EML4: variants seen among roughly 807,000 people sequenced by gnomAD.
EML4 encodes the protein EMAP like 4.
In EML4, 72 loss-of-function variants were observed where a neutral mutation model predicts 129.0. That is an observed-to-expected ratio of 0.56 (90% CI 0.46 to 0.68). The LOEUF is 0.68. Among genes scored for constraint, EML4 ranks in the 30% least tolerant of loss-of-function variants. EML4 has a pLI of 0.00. For missense variants in EML4, 1,363 were observed against 1,190.6 expected (o/e 1.14, Z -2.13); for synonymous variants, 532 against 405.0 (o/e 1.31, Z -3.77).
rs761401873 is a variant in EML4, at chr2:42,286,344, G to A, written c.1087G>A (p.Glu363Lys). ...GCAGATTATTGGACTTGGCACTTTT[G>A]AGCGTGGAGTAGGATGCCTGGATTT... is the stretch of plus-strand genomic sequence containing the variant. Reference protein sequence around the residue: ...TLQIIGLGTFERGVGCLDFSK... With the variant: ...TLQIIGLGTFKRGVGCLDFSK... The change falls in exon 10 of 23, where the codon GAG becomes AAG. Residue 363 changes from glutamate (E) to lysine (K), a missense_variant. Coordinates refer to ENST00000318522, the MANE Select transcript of EML4 (RefSeq NM_019063.5). The A allele has an allele frequency of 1.9e-6, 3 of 1,613,438 alleles. No homozygotes were observed. In the Admixed American group the frequency reaches 5.0e-5, roughly 27 times the overall value.
At chr2:42,213,342 A>G (rs1237490983) in intron 1 of EML4, among the ~76,000 whole-genome samples, 1 of 152,146 alleles carries the variant, frequency 6.6e-6, no homozygotes, top group Non-Finnish European at 1.5e-5. Flanking sequence ...ATCACACAGT[A>G]TGGCTTCTTG....
At chr2:42,196,423 A>G (rs1480002372) in intron 1 of EML4, among the ~76,000 whole-genome samples, 2 of 152,180 alleles carry the variant, frequency 1.3e-5, no homozygotes, top group East Asian at 3.8e-4. Context: ...TAATGGACAC[A>G]GCATCTGTTT....
chr2:42,267,813 C>A (rs950375310), intron 6 of EML4, among the ~76,000 whole-genome samples: 1 of 152,134 alleles, frequency 6.6e-6, no homozygotes, highest in Non-Finnish European at 1.5e-5. Context: ...TCATTACTCT[C>A]TCCCCTAGTT....
intron 8 of EML4, 89 bp from the exon 9 acceptor site, chr2:42,284,545 A>C: frequency 6.2e-6 from 5 of 801,106 alleles, no homozygotes; most frequent in Non-Finnish European, 7.8e-6. Flanking sequence ...TAACGATTAA[A>C]AACTGCTTAT....
At chr2:42,242,730 TTCTCG>T (rs200880328) in intron 1 of EML4, among the ~76,000 whole-genome samples, 341 of 149,316 alleles carry the variant, frequency 2.3e-3, no homozygotes, top group South Asian at 3.3e-3. Context: ...TTCTCTTCTC[TTCTCG>T]TCTCGTCTCG....
chr2:42,244,813 G>A (rs879479903), intron 1 of EML4, among the ~76,000 whole-genome samples: 4 of 152,044 alleles, frequency 2.6e-5, no homozygotes, highest in African/African-American at 9.7e-5. Context: ...AGAGAACTGT[G>A]ATAATAATGT....
At chr2:42,255,408 G>T (rs1572635535) in intron 2 of EML4, among the ~76,000 whole-genome samples, 2 of 152,084 alleles carry the variant, frequency 1.3e-5, no homozygotes, top group Non-Finnish European at 2.9e-5. Context: ...TTCTATTTGG[G>T]GTGATGAAAA....
chr2:42,222,223 A>G (rs919341580), intron 1 of EML4, among the ~76,000 whole-genome samples: 1 of 152,144 alleles, frequency 6.6e-6, no homozygotes. Context: ...ATCAAATGGC[A>G]TATTTGCTTA....
chr2:42,253,730 G>A (rs979801469), intron 2 of EML4, among the ~76,000 whole-genome samples: 1 of 151,962 alleles, frequency 6.6e-6, no homozygotes, highest in Non-Finnish European at 1.5e-5. Context: ...GGAAAAAAAA[G>A]ACAAAAAACA....
intron 17 of EML4, among the ~76,000 whole-genome samples, chr2:42,306,112 T>C (rs888980634): frequency 6.6e-6 from 1 of 152,222 alleles, no homozygotes; most frequent in Non-Finnish European, 1.5e-5. Flanking sequence ...TTGGTGATAC[T>C]TTGCAAATAT....
chr2:42,180,498 C>T (rs1338736408), intron 1 of EML4, among the ~76,000 whole-genome samples: 1 of 152,182 alleles, frequency 6.6e-6, no homozygotes, highest in Non-Finnish European at 1.5e-5. Context: ...TGCCCTCAGT[C>T]CCTACCTTAC....
At chr2:42,302,456 A>G (rs1374868775) in intron 14 of EML4, among the ~76,000 whole-genome samples, 1 of 152,150 alleles carries the variant, frequency 6.6e-6, no homozygotes, top group Non-Finnish European at 1.5e-5. Flanking sequence ...ACCCAAAGTA[A>G]TGTAACTAAT....
At chr2:42,317,382 T>C (rs773826143) in intron 18 of EML4, 45 bp from the exon 19 acceptor site, 1 of 1,190,644 alleles carries the variant, frequency 8.4e-7, no homozygotes, top group Non-Finnish European at 1.2e-6. Flanking sequence ...GTAAATAAAT[T>C]TATCAGTATA....
intron 3 of EML4, among the ~76,000 whole-genome samples, chr2:42,257,441 T>C (rs2104362582): frequency 1.3e-5 from 2 of 152,210 alleles, no homozygotes; most frequent in Non-Finnish European, 2.9e-5. Flanking sequence ...AAACTAATGC[T>C]AGTGACCGAA....
intron 2 of EML4, among the ~76,000 whole-genome samples, chr2:42,252,386 T>C (rs998132951): frequency 1.3e-5 from 2 of 152,162 alleles, no homozygotes; most frequent in South Asian, 4.1e-4. Context: ...TCCTTCACTT[T>C]TTCATTCACG....
At chr2:42,194,909 GA>G (rs1486755180) in intron 1 of EML4, among the ~76,000 whole-genome samples, 4 of 152,118 alleles carry the variant, frequency 2.6e-5, no homozygotes, top group Admixed American at 1.3e-4. Flanking sequence ...TATGGTGTAA[GA>G]TAAGAGTTAA....
At chr2:42,174,414 C>A (rs982946541) in intron 1 of EML4, among the ~76,000 whole-genome samples, 2 of 152,074 alleles carry the variant, frequency 1.3e-5, no homozygotes, top group African/African-American at 4.8e-5. Flanking sequence ...CCTCAGCCTC[C>A]TGAGTAGCTG....
chr2:42,257,188 G>A, intron 3 of EML4, among the ~76,000 whole-genome samples: 1 of 151,968 alleles, frequency 6.6e-6, no homozygotes, highest in African/African-American at 2.4e-5. Context: ...AAGTTTCAGT[G>A]GATTACAGAT....
At chr2:42,273,723 A>T (rs997303615) in intron 6 of EML4, among the ~76,000 whole-genome samples, 2 of 152,156 alleles carry the variant, frequency 1.3e-5, no homozygotes, top group East Asian at 3.8e-4. Flanking sequence ...AAAACTACTA[A>T]TCTTTAGCAA....
Sources: gnomAD v4.1 joint callset for allele counts (sites outside exome capture counted in the v4.1 genomes callset) on GRCh38, gnomAD v4.1.1 for gene constraint, MANE v1.5 for transcripts, NCBI Gene and HGNC (gene_info 2026-07-23, HGNC 2026-07-21) for gene names.